ENSA: variants seen among roughly 807,000 people sequenced by gnomAD.
ENSA encodes alpha-endosulfine.
In ENSA, 7 loss-of-function variants were observed where a neutral mutation model predicts 16.8. The observed-to-expected ratio is 0.42, with a 90% CI of 0.24 to 0.78. The LOEUF (loss-of-function observed/expected upper bound fraction) is 0.78, where lower values mean the gene tolerates loss of function less well. ENSA is among the 30% of genes least tolerant of loss of function. ENSA has a pLI of 0.29. For missense variants in ENSA, 87 were observed against 142.3 expected, an observed-to-expected ratio of 0.61 and a Z score of 1.98; for synonymous variants, 58 against 53.4, an observed-to-expected ratio of 1.09 and a Z score of -0.37.
In ENSA at chr1:150,625,701, G is replaced by A; in HGVS notation, c.291C>T (p.Ile97=). The change falls in exon 3 of 4, where the codon ATC becomes ATT. Residue 97 remains isoleucine (I), a synonymous_variant. Coordinates refer to ENST00000369014, the MANE Select transcript of ENSA (RefSeq NM_004436.4). ...PDKNLVTGDH[I]PTPQDLPQRK... Reference sequence around the variant, plus strand: ...TCTGGGGCAGATCCTGTGGGGTGGGGATGTGATCACCAGTCACCAGGTTCT... The same window carrying A: ...TCTGGGGCAGATCCTGTGGGGTGGGAATGTGATCACCAGTCACCAGGTTCT... The A allele has an allele frequency of 6.2e-7, 1 of 1,613,128 alleles. No individual in the cohort carries two copies. Among genetic ancestry groups the A allele is most frequent in the South Asian group, 1.1e-5 (1 of 90,774 alleles).
At chr1:150,627,997 A>T (rs928370679) in intron 1 of ENSA, among the ~76,000 whole-genome samples, 6 of 148,388 alleles carry the variant, frequency 4.0e-5, no homozygotes, top group Non-Finnish European at 5.9e-5. Flanking sequence ...ATGAGAAATT[A>T]AAAAAAAAAT....
At chr1:150,623,792 T>A in intron 3 of ENSA, 1 of 985,650 alleles carries the variant, frequency 1.0e-6, no homozygotes, top group Non-Finnish European at 1.2e-6. Context: ...TTATATACAA[T>A]TACAAGTGAC....
chr1:150,629,362 C>G (rs376720538), intron 1 of ENSA, 52 bp downstream of exon 1: 18 of 1,595,806 alleles, frequency 1.1e-5, no homozygotes, highest in Non-Finnish European at 1.5e-5. Context: ...AGACCGTCTC[C>G]CGCCCCATCA....
chr1:150,624,934 T>C, intron 3 of ENSA: 1 of 981,520 alleles, frequency 1.0e-6, no homozygotes, highest in Non-Finnish European at 1.2e-6. Flanking sequence ...CCCAGATATC[T>C]TGACTCCTAA....
chr1:150,629,168 A>G, intron 1 of ENSA: 1 of 1,613,682 alleles, frequency 6.2e-7, no homozygotes, highest in Non-Finnish European at 8.5e-7. Context: ...CAATTATAGC[A>G]CAGCGTCCAA....
In ENSA at chr1:150,625,901, T is replaced by C. The variant is rs141259566; in HGVS notation, c.184-93A>G. ...ATCTCACATCCATTATAAACCCTCA[T>C]GCACACTCGGATCTTTCAAGAAGTC... is the stretch of plus-strand genomic sequence containing the variant. On this transcript the variant is annotated intron_variant, in intron 2 of 3. Coordinates refer to ENST00000369014, the MANE Select transcript of ENSA (RefSeq NM_004436.4). The C allele has an allele frequency of 2.9e-3, 4,303 of 1,477,452 alleles. 90 individuals are homozygous for C. The African/African-American group carries it at 0.046, about 16-fold the overall frequency. 91.5% of individuals were successfully genotyped at this position (1,477,452 alleles called of 1,614,324 possible). A position where few individuals can be genotyped will look rare whatever the true frequency, so the allele number is the denominator to read the frequency against.
intron 2 of ENSA, among the ~76,000 whole-genome samples, 188 bp from the exon 3 acceptor site, chr1:150,625,996 G>C (rs1649281710): frequency 6.6e-6 from 1 of 152,210 alleles, no homozygotes; most frequent in African/African-American, 2.4e-5. Flanking sequence ...TCCCCAGTGT[G>C]TTCTGACTTT....
At chr1:150,625,947 A>G (rs1649276676) in intron 2 of ENSA, 139 bp from the exon 3 acceptor site, 2 of 1,372,556 alleles carry the variant, frequency 1.5e-6, no homozygotes, top group Non-Finnish European at 1.9e-6. Context: ...AACCTCATGC[A>G]TACACAGTTT....
chr1:150,625,064 G>A lies in ENSA; in HGVS notation c.350+578C>T, dbSNP rs1027479452. 3.0e-6 allele frequency: 3 copies of A among 985,254 alleles called. No individual in the cohort carries two copies. In the African/African-American group the frequency reaches 5.2e-5, roughly 17 times the overall value. 61.0% of individuals were successfully genotyped at this position (985,254 alleles called of 1,614,324 possible). On this transcript the variant is annotated intron_variant, in intron 3 of 3. Coordinates refer to ENST00000369014, the MANE Select transcript of ENSA (RefSeq NM_004436.4). ...ATCTTTATATTATTTGAGAGCCAGA[G>A]CAAACTGTAAGAGATACTAAGTAAT...
At chr1:150,624,286 C>G in intron 3 of ENSA, 1 of 985,940 alleles carries the variant, frequency 1.0e-6, no homozygotes, top group Non-Finnish European at 1.2e-6. Context: ...TAACCACTTT[C>G]CCCAGCTTCC....
At chr1:150,621,806 T>C (rs587763053), downstream of ENSA, 1 of 152,248 alleles carries the variant, frequency 6.6e-6, no homozygotes, top group Admixed American at 6.5e-5. Context: ...ACATGGGAAC[T>C]TGAAAAGGAA....
chr1:150,626,489 G>C (rs145743127), intron 2 of ENSA: 9 of 1,612,946 alleles, frequency 5.6e-6, no homozygotes, highest in Non-Finnish European at 7.6e-6. Context: ...CATTTCATCC[G>C]CACAGAGAAG....
In ENSA at chr1:150,624,205, T is replaced by C. The variant is rs1185839968; in HGVS notation, c.351-1346A>G. On this transcript the variant is annotated intron_variant, in intron 3 of 3. Transcript: ENST00000369014. ...CATGAGTCAGCATGGCTACCTCTCC[T>C]CATGATAAAAGAGCTGGGTTGCTGA... is the stretch of plus-strand genomic sequence containing the variant. The C allele has an allele frequency of 3.0e-6, 3 of 985,504 alleles. No individual in the cohort carries two copies. In the Admixed American group the frequency reaches 1.8e-4, roughly 61 times the overall value. 61.0% of individuals were successfully genotyped at this position (985,504 alleles called of 1,614,324 possible). A position where few individuals can be genotyped will look rare whatever the true frequency, so the allele number is the denominator to read the frequency against.
Position 150,627,659 on chromosome 1 carries a change from C to G in ENSA, c.58-67G>C, listed in dbSNP as rs756049545. 2.2e-4 allele frequency: 328 copies of G among 1,503,796 alleles called. 1 individual carries two copies. The highest frequency in any genetic ancestry group is 3.9e-4 in the Admixed American group (18 of 46,322). 93.2% of individuals were successfully genotyped at this position (1,503,796 alleles called of 1,614,324 possible). A position where few individuals can be genotyped will look rare whatever the true frequency, so the allele number is the denominator to read the frequency against. ...AACAACAGCTTCTCACATCTGATAACAACTATACTATCAACTTCTCCTGGA... is the reference window on the plus strand; with the variant it reads ...AACAACAGCTTCTCACATCTGATAAGAACTATACTATCAACTTCTCCTGGA... On this transcript the variant is annotated intron_variant, in intron 1 of 3. Transcript: ENST00000369014.
intron 1 of ENSA, 48 bp downstream of exon 1, chr1:150,629,366 C>G (rs1391364113): frequency 6.3e-7 from 1 of 1,599,022 alleles, no homozygotes; most frequent in East Asian, 2.2e-5. Context: ...CGTCTCCCGC[C>G]CCATCACGGT....
intron 2 of ENSA, among the ~76,000 whole-genome samples, chr1:150,626,706 G>A (rs377385203): frequency 1.9e-4 from 29 of 152,280 alleles, no homozygotes; most frequent in Middle Eastern, 3.4e-3. Context: ...ACAGGCGCCC[G>A]CCACCACACC....
intron 1 of ENSA, among the ~76,000 whole-genome samples, 157 bp from the exon 2 acceptor site, chr1:150,627,749 C>T (rs946907295): frequency 1.3e-5 from 2 of 152,092 alleles, no homozygotes; most frequent in Non-Finnish European, 2.9e-5. Context: ...TGTTAAAATC[C>T]CTAAAGCTCA....
At position 150,629,029 on chromosome 1, in the gene ENSA, G is replaced by A. The variant is rs780558465; in HGVS notation, c.57+385C>T. The A allele has an allele frequency of 3.7e-6, 6 of 1,610,318 alleles. No individual in the cohort carries two copies. In the African/African-American group the frequency reaches 5.3e-5, roughly 14 times the overall value. The stretch of plus-strand genomic sequence containing the variant: ...ACCCCTATCTTTGCGGATTGAGGCT[G>A]CGGGCCCCAGCCCGGTTGCTGGGTC... On this transcript the variant is annotated intron_variant, in intron 1 of 3. Coordinates refer to ENST00000369014, the MANE Select transcript of ENSA (RefSeq NM_004436.4).
At chr1:150,626,471 TCACC>T in intron 2 of ENSA, 2 of 1,611,248 alleles carry the variant, frequency 1.2e-6, no homozygotes, top group Non-Finnish European at 1.7e-6. Context: ...CAGGGATGTT[TCACC>T]CACCATTTCA....
Sources: gnomAD v4.1 joint callset for allele counts (sites outside exome capture counted in the v4.1 genomes callset) on GRCh38, gnomAD v4.1.1 for gene constraint, MANE v1.5 for transcripts, NCBI Gene and HGNC (gene_info 2026-07-23, HGNC 2026-07-21) for gene names.